The following BCL10 variants were observed in gnomAD, a reference collection of about 807,000 sequenced individuals.
The protein encoded by BCL10 is B-cell lymphoma/leukemia 10.
Under a neutral mutation model 19.2 loss-of-function variants are expected in BCL10, and 5 were observed. The observed-to-expected ratio is 0.26, with a 90% CI of 0.14 to 0.55. The LOEUF (loss-of-function observed/expected upper bound fraction) is 0.55. Ranked by LOEUF, BCL10 falls within the 20% of genes least tolerant of loss-of-function variation. The probability of loss-of-function intolerance (pLI) is 0.94; values close to 1 mark genes in which losing one functional copy is unlikely to be tolerated. For missense variants in BCL10, 201 were observed against 271.9 expected, an observed-to-expected ratio of 0.74 and a Z score of 1.83; for synonymous variants, 110 against 98.8, an observed-to-expected ratio of 1.11 and a Z score of -0.67.
chr1:85,269,116 C>T (rs557675721), intron 2 of BCL10, among the ~76,000 whole-genome samples: 17 of 152,234 alleles, frequency 1.1e-4, no homozygotes, highest in Non-Finnish European at 1.9e-4. Context: ...CTCTTTCACA[C>T]TCTTGCCCTC....
In BCL10 at chr1:85,270,585, T is replaced by C. The variant is rs772911425; in HGVS notation, c.346+33A>G. The C allele has an allele frequency of 1.9e-5, 29 of 1,565,518 alleles. No individual in the cohort carries two copies. The South Asian group carries it at 3.4e-4, about 18-fold the overall frequency. ...CATTTTTTAAAAGCATTATTACATTTAAATTAGCTCTTAGATAATTAAGAT... is the reference window on the plus strand; with the variant it reads ...CATTTTTTAAAAGCATTATTACATTCAAATTAGCTCTTAGATAATTAAGAT... On this transcript the variant is annotated intron_variant, in intron 2 of 2. Coordinates refer to ENST00000648566, the MANE Select transcript of BCL10 (RefSeq NM_003921.5).
At chr1:85,276,159 C>T in intron 1 of BCL10, 137 bp downstream of exon 1, 1 of 1,073,268 alleles carries the variant, frequency 9.3e-7, no homozygotes, top group Non-Finnish European at 1.4e-6. Flanking sequence ...GGGCTCGCCA[C>T]AGTCCTCCTG....
rs1417196123 is a variant in BCL10, at chr1:85,276,501, A to G, written c.-149T>C. ...GAAAGACGGCCGCCCCTTCGGGAAC[A>G]GAGGGACTCGGGGGTCAAACCGTAG... On this transcript the variant is annotated 5_prime_UTR_variant, in exon 1 of 3. Transcript: ENST00000648566. The G allele has an allele frequency of 1.1e-5, 9 of 836,272 alleles. No individual in the cohort carries two copies. Among genetic ancestry groups the G allele is most frequent in the South Asian group, 1.6e-5 (1 of 62,550 alleles). 51.8% of individuals were successfully genotyped at this position (836,272 alleles called of 1,614,324 possible).
Position 85,267,124 on chromosome 1 carries a change from T to C in BCL10, c.*503A>G, listed in dbSNP as rs1488293596. ...ATCAAAAAGAGGCTGTTTACATGCC[T>C]ATACGACAATGGAGTGGAAAAGAGA... On this transcript the variant is annotated 3_prime_UTR_variant, in exon 3 of 3. Transcript: ENST00000648566. 1 of 192,350 alleles carries C rather than the reference T, an allele frequency of 5.2e-6. No individual in the cohort carries two copies. The highest frequency in any genetic ancestry group is 2.3e-5 in the African/African-American group (1 of 43,084). 11.9% of individuals were successfully genotyped at this position (192,350 alleles called of 1,614,324 possible). A position where few individuals can be genotyped will look rare whatever the true frequency, so the allele number is the denominator to read the frequency against.
At position 85,267,979 on chromosome 1, in the gene BCL10, A is replaced by C. The variant is rs753115014; in HGVS notation, c.350T>G (p.Leu117Arg). 4 of 1,534,856 alleles carry C rather than the reference A, an allele frequency of 2.6e-6. No homozygotes were observed. The highest frequency in any genetic ancestry group is 3.5e-6 in the Non-Finnish European group (4 of 1,140,678). ...RNIKLEHLKG[L>R]KCSSCEPFPD... The stretch of plus-strand genomic sequence containing the variant: ...AAAAGGTTCACAACTGCTACATTTT[A>C]GTCCTACAATAAAATTATTCAGATG... Residue 117 changes from leucine to arginine, a missense_variant, in exon 3 of 3, where the codon CTA becomes CGA. By Grantham distance (102) the Leu-to-Arg change is moderately radical. This residue lies in a region of BCL10 where 126 missense variants were observed against 136.6 expected (regional missense o/e 0.92). Transcript: ENST00000648566.
chr1:85,266,129 T>C lies in BCL10; in HGVS notation c.*1498A>G. 5.3e-6 allele frequency: 1 copy of C among 187,304 alleles called. No homozygotes were observed. Among genetic ancestry groups the C allele is most frequent in the Non-Finnish European group, 1.1e-5 (1 of 88,744 alleles). 11.6% of individuals were successfully genotyped at this position (187,304 alleles called of 1,614,324 possible). On this transcript the variant is annotated 3_prime_UTR_variant, in exon 3 of 3. Coordinates refer to ENST00000648566, the MANE Select transcript of BCL10 (RefSeq NM_003921.5). ...CATGTCGGATAAATTCATCAGTCCA[T>C]CCAGAAATGCAACTCAATCTCACAA...
chr1:85,274,694 T>G (rs1357197042), intron 1 of BCL10, among the ~76,000 whole-genome samples: 1 of 152,176 alleles, frequency 6.6e-6, no homozygotes, highest in African/African-American at 2.4e-5. Flanking sequence ...CAGTAGACAT[T>G]TGGAAATAAG....
At position 85,270,792 on chromosome 1, in the gene BCL10, G is replaced by A. The variant is rs121918314; in HGVS notation, c.172C>T (p.Arg58Ter). ...CCAGCCCTTTTTCTACTTGATGTTC[G>A]ACAAGAAATTTCTTCAGTGTCTTCT... is the stretch of plus-strand genomic sequence containing the variant. Reference protein sequence around the residue: ...SREDTEEISCRTSSRKRAGKL... With the variant: ...SREDTEEISC Residue 58 changes from arginine to a stop codon, truncating the protein, a stop_gained, in exon 2 of 3, where the codon CGA becomes TGA. Coordinates refer to ENST00000648566, the MANE Select transcript of BCL10 (RefSeq NM_003921.5). LOFTEE classifies it high-confidence loss of function. The A allele has an allele frequency of 6.2e-7, 1 of 1,613,856 alleles. No individual in the cohort carries two copies. The highest frequency in any genetic ancestry group is 1.1e-5 in the South Asian group (1 of 91,076).
rs749530949 is a variant in BCL10 at position 85,270,762 on chromosome 1, A to G, written c.202T>C (p.Leu68=). The part of the protein sequence containing the change: ...RTSSRKRAGK[L]LDYLQENPKG... Reference sequence around the variant, plus strand: ...GGGTTTTCCTGTAAGTAGTCTAACAATTTTCCAGCCCTTTTTCTACTTGAT... The same window carrying G: ...GGGTTTTCCTGTAAGTAGTCTAACAGTTTTCCAGCCCTTTTTCTACTTGAT... Residue 68 remains leucine (L), a synonymous_variant, in exon 2 of 3, where the codon TTG becomes CTG. Coordinates refer to ENST00000648566, the MANE Select transcript of BCL10 (RefSeq NM_003921.5). 6.2e-7 allele frequency: 1 copy of G among 1,613,974 alleles called. No individual in the cohort carries two copies.
chr1:85,266,107 G>A lies in BCL10; in HGVS notation c.*1520C>T, dbSNP rs1660182322. 1 of 186,368 alleles carries A rather than the reference G, an allele frequency of 5.4e-6. No individual in the cohort carries two copies. Among genetic ancestry groups the A allele is most frequent in the Admixed American group, 6.2e-5 (1 of 16,088 alleles). The allele number at this position is 186,368 out of a possible 1,614,324, so 11.5% of individuals were successfully genotyped here. A position where few individuals can be genotyped will look rare whatever the true frequency, so the allele number is the denominator to read the frequency against. On this transcript the variant is annotated 3_prime_UTR_variant, in exon 3 of 3. Transcript: ENST00000648566. Reference sequence around the variant, plus strand: ...AAGCTAATATGCCAATCTTCTTCATGTCGGATAAATTCATCAGTCCATCCA... The same window carrying A: ...AAGCTAATATGCCAATCTTCTTCATATCGGATAAATTCATCAGTCCATCCA...
Position 85,267,996 on chromosome 1 carries a change from A to T in BCL10, c.347-14T>A. The stretch of plus-strand genomic sequence containing the variant: ...TACATTTTAGTCCTACAATAAAATT[A>T]TTCAGATGTAAATGAAAAAGTAACT... On this transcript the variant is annotated splice_polypyrimidine_tract_variant and intron_variant, in intron 2 of 2. Coordinates refer to ENST00000648566, the MANE Select transcript of BCL10 (RefSeq NM_003921.5). The T allele has an allele frequency of 2.0e-6, 3 of 1,473,712 alleles. No individual in the cohort carries two copies. Among genetic ancestry groups the T allele is most frequent in the Non-Finnish European group, 2.7e-6 (3 of 1,101,988 alleles). 91.3% of individuals were successfully genotyped at this position (1,473,712 alleles called of 1,614,324 possible).
intron 1 of BCL10, among the ~76,000 whole-genome samples, chr1:85,273,882 T>TGG (rs199567739): frequency 6.6e-6 from 1 of 151,732 alleles, no homozygotes; most frequent in African/African-American, 2.4e-5. Context: ...CTACTATACT[T>TGG]GGGGGGAAAA....
intron 1 of BCL10, among the ~76,000 whole-genome samples, chr1:85,273,412 C>G (rs1344580914): frequency 6.6e-6 from 1 of 152,140 alleles, no homozygotes. Context: ...CAATCATTTT[C>G]TTGTTGTTGT....
intron 1 of BCL10, among the ~76,000 whole-genome samples, chr1:85,272,918 C>T (rs1055679974): frequency 2.6e-5 from 4 of 152,164 alleles, no homozygotes; most frequent in Non-Finnish European, 5.9e-5. Context: ...CTCCTACCTA[C>T]CTCTCCAGCT....
chr1:85,272,019 A>G (rs1462137935), intron 1 of BCL10, among the ~76,000 whole-genome samples: 1 of 152,202 alleles, frequency 6.6e-6, no homozygotes, highest in African/African-American at 2.4e-5. Flanking sequence ...ATCACAGGTA[A>G]TAATTATAAA....
chr1:85,270,706 A>G lies in BCL10; in HGVS notation c.258T>C (p.Ile86=), dbSNP rs1660348675. 1 of 1,613,778 alleles carries G rather than the reference A, an allele frequency of 6.2e-7. No homozygotes were observed. The highest frequency in any genetic ancestry group is 8.5e-7 in the Non-Finnish European group (1 of 1,179,928). ...GGAAGTTCTGTGTTTTTTCTCGCCG[A>G]ATAGATTCAACAAGGGTGTCCAGAC... ...PKGLDTLVES[I]RREKTQNFLI... Residue 86 remains isoleucine (I), a synonymous_variant, in exon 2 of 3, where the codon ATT becomes ATC. Transcript: ENST00000648566.
intron 1 of BCL10, among the ~76,000 whole-genome samples, chr1:85,273,441 C>CT (rs564938448): frequency 3.0e-4 from 46 of 152,302 alleles, no homozygotes; most frequent in African/African-American, 8.7e-4. Context: ...TACTTTCAAG[C>CT]TAACAATTCA....
chr1:85,270,355 C>T (rs1470496626), intron 2 of BCL10, among the ~76,000 whole-genome samples: 2 of 152,214 alleles, frequency 1.3e-5, no homozygotes, highest in East Asian at 1.9e-4. Flanking sequence ...TCACTATAGC[C>T]TCAATGTCCC....
intron 1 of BCL10, among the ~76,000 whole-genome samples, chr1:85,272,853 C>T (rs922337994): frequency 2.0e-5 from 3 of 152,186 alleles, no homozygotes; most frequent in African/African-American, 7.2e-5. Flanking sequence ...TCTCTGTACA[C>T]AGTAAGTACT....
Sources: gnomAD v4.1 joint callset for allele counts (sites outside exome capture counted in the v4.1 genomes callset) on GRCh38, gnomAD v4.1.1 for gene constraint, gnomAD v4.1.1 regional missense constraint, MANE v1.5 for transcripts, NCBI Gene and HGNC (gene_info 2026-07-23, HGNC 2026-07-21) for gene names.